Variants in RARS2 observed in about 807,000 individuals in gnomAD.
The protein encoded by RARS2 is arginyl-tRNA synthetase 2, mitochondrial, also known as probable arginine--tRNA ligase, mitochondrial.
In RARS2, 67 loss-of-function variants were observed where a neutral mutation model predicts 88.5. The observed-to-expected ratio is 0.76, with a 90% CI of 0.62 to 0.93. RARS2 has a LOEUF of 0.93. Ranked by LOEUF, RARS2 falls within the 40% of genes least tolerant of loss-of-function variation. The pLI is 0.00. For synonymous variants in RARS2, 239 were observed against 230.3 expected, an observed-to-expected ratio of 1.04 and a Z score of -0.34; for missense variants, 664 against 684.2, an observed-to-expected ratio of 0.97 and a Z score of 0.33.
intron 1 of RARS2, among the ~76,000 whole-genome samples, chr6:87,571,843 C>T (rs1221931825): frequency 6.6e-6 from 1 of 152,188 alleles, no homozygotes; most frequent in African/African-American, 2.4e-5. Context: ...GAGGCTTGTA[C>T]ATTTCCACTT....
At chr6:87,545,762 T>A in intron 6 of RARS2, 63 bp from the exon 7 acceptor site, 1 of 1,551,546 alleles carries the variant, frequency 6.4e-7, no homozygotes, top group Non-Finnish European at 8.8e-7. Context: ...ATAAGAACCA[T>A]GTACTTCTCT....
chr6:87,518,817 A>G lies in RARS2; in HGVS notation c.1305+7T>C. The G allele has an allele frequency of 1.2e-6, 2 of 1,613,852 alleles. No individual in the cohort carries two copies. Among genetic ancestry groups the G allele is most frequent in the Non-Finnish European group, 8.5e-7 (1 of 1,179,724 alleles). On this transcript the variant is annotated splice_region_variant and intron_variant, in intron 15 of 19. Coordinates refer to ENST00000369536, the MANE Select transcript of RARS2 (RefSeq NM_020320.5). ...AAAGGGCCTCACAGGTAGGAGTCTT[A>G]ACAGACCTGAATAATGAGTGCTGCG...
chr6:87,523,942 T>C (rs36077410), intron 11 of RARS2, among the ~76,000 whole-genome samples: 27 of 152,292 alleles, frequency 1.8e-4, no homozygotes, highest in Non-Finnish European at 3.5e-4. Flanking sequence ...TGTCGAAAAG[T>C]AATAGAAGGT....
chr6:87,539,035 CATA>C (rs570058105), intron 8 of RARS2, among the ~76,000 whole-genome samples: 3,995 of 140,294 alleles, frequency 0.028, 85 homozygotes, highest in Non-Finnish European at 0.046. Flanking sequence ...TCCTGTCTCA[CATA>C]AATAAATAAA....
At chr6:87,579,715 GTTTTTTTTTTTTTT>G (rs35014020) in intron 1 of RARS2, among the ~76,000 whole-genome samples, 4,351 of 60,658 alleles carry the variant, frequency 0.072, 135 homozygotes, top group Middle Eastern at 0.13. Flanking sequence ...CATAGAGCAT[GTTTTTTTTTTTTTT>G]TTTTTTTTTT....
At chr6:87,556,335 C>T (rs532770571) in intron 4 of RARS2, among the ~76,000 whole-genome samples, 1 of 152,108 alleles carries the variant, frequency 6.6e-6, no homozygotes, top group African/African-American at 2.4e-5. Context: ...TGAGACAGGC[C>T]TTACTCTGTC....
At chr6:87,589,860 G>A (rs565732833) in intron 1 of RARS2, 62 bp downstream of exon 1, 2 of 1,613,920 alleles carry the variant, frequency 1.2e-6, no homozygotes, top group African/African-American at 1.3e-5. Context: ...GCCCGCAGCG[G>A]TGAAAGGCCT....
At chr6:87,521,443 C>A (rs949580678) in intron 12 of RARS2, 21 bp downstream of exon 12, 1 of 1,559,398 alleles carries the variant, frequency 6.4e-7, no homozygotes, top group Non-Finnish European at 8.8e-7. Flanking sequence ...GAGATCATAA[C>A]TTTTTGTTCT....
chr6:87,523,701 CAA>C (rs1042356620), intron 11 of RARS2, among the ~76,000 whole-genome samples: 2 of 151,914 alleles, frequency 1.3e-5, no homozygotes, highest in African/African-American at 4.8e-5. Flanking sequence ...AATGATAACC[CAA>C]AAAAGACACT....
At chr6:87,530,539 T>C (rs1256584201) in intron 9 of RARS2, among the ~76,000 whole-genome samples, 4 of 151,796 alleles carry the variant, frequency 2.6e-5, no homozygotes, top group African/African-American at 7.3e-5. Context: ...AAAATAAATA[T>C]GAAAAAGTGA....
At chr6:87,548,790 G>C (rs1220993433) in intron 5 of RARS2, 144 bp from the exon 6 acceptor site, 1 of 734,810 alleles carries the variant, frequency 1.4e-6, no homozygotes, top group African/African-American at 1.8e-5. Flanking sequence ...TAAAAATTTA[G>C]AGCAAAGATA....
intron 5 of RARS2, among the ~76,000 whole-genome samples, chr6:87,549,878 A>G (rs1783807691): frequency 6.6e-6 from 1 of 152,208 alleles, no homozygotes; most frequent in African/African-American, 2.4e-5. Flanking sequence ...TGTGTAATGA[A>G]CATATGGGGG....
chr6:87,578,952 C>CTT (rs1419307105), intron 1 of RARS2, among the ~76,000 whole-genome samples: 1 of 74,954 alleles, frequency 1.3e-5, no homozygotes, highest in Non-Finnish European at 2.2e-5. Flanking sequence ...GAGCGAGAGA[C>CTT]TGTCTCAAAA....
In RARS2 at chr6:87,525,790, G is replaced by A. The variant is rs144476289; in HGVS notation, c.879-1138C>T. ...TCGAACTCCTGACCTCATGTGATCC[G>A]CGCCCCCGGCCTCCCAAAGTGCTGG... On this transcript the variant is annotated intron_variant, in intron 10 of 19. Transcript: ENST00000369536. Among the ~76,000 whole-genome samples the A allele has an allele frequency of 9.3e-3, 1,412 of 151,990 alleles. 24 individuals are homozygous for A. The highest frequency in any genetic ancestry group is 0.032 in the African/African-American group (1,311 of 41,442).
At chr6:87,524,098 G>T (rs569092843) in intron 11 of RARS2, among the ~76,000 whole-genome samples, 4 of 152,226 alleles carry the variant, frequency 2.6e-5, no homozygotes, top group Admixed American at 2.0e-4. Context: ...TAAAATTCTG[G>T]CCTGGGAGAC....
At chr6:87,539,167 G>T (rs1780127689) in intron 8 of RARS2, among the ~76,000 whole-genome samples, 2 of 152,130 alleles carry the variant, frequency 1.3e-5, no homozygotes, top group Non-Finnish European at 2.9e-5. Context: ...AAGATAAAAA[G>T]AATAACTCTC....
chr6:87,571,141 C>T (rs1769559775), intron 1 of RARS2, among the ~76,000 whole-genome samples: 1 of 148,466 alleles, frequency 6.7e-6, no homozygotes, highest in South Asian at 2.2e-4. Context: ...ATGGGAGGGA[C>T]CAGGTGGGGA....
At chr6:87,529,072 A>C (rs1167624332) in intron 10 of RARS2, among the ~76,000 whole-genome samples, 2 of 152,146 alleles carry the variant, frequency 1.3e-5, no homozygotes, top group East Asian at 3.8e-4. Context: ...ATATGCTAAC[A>C]CCATCTCTGA....
chr6:87,586,223 G>C (rs1657871805), intron 1 of RARS2, among the ~76,000 whole-genome samples: 1 of 152,082 alleles, frequency 6.6e-6, no homozygotes, highest in South Asian at 2.1e-4. Flanking sequence ...AAAGGAGAGG[G>C]GGAGGCAGCA....
Sources: gnomAD v4.1 joint callset for allele counts (sites outside exome capture counted in the v4.1 genomes callset) on GRCh38, gnomAD v4.1.1 for gene constraint, MANE v1.5 for transcripts, NCBI Gene and HGNC (gene_info 2026-07-23, HGNC 2026-07-21) for gene names.